The following LARGE1 variants were observed in gnomAD, a reference collection of about 807,000 sequenced individuals.
LARGE1 encodes xylosyl- and glucuronyltransferase LARGE1.
LARGE1 carries 43 observed loss-of-function variants against 87.6 expected under a neutral mutation model. The ratio of observed to expected loss-of-function variants is 0.49; its 90% CI spans 0.38 to 0.63. LARGE1 has a LOEUF of 0.63. LARGE1 is among the 30% of genes least tolerant of loss of function. LARGE1 has a pLI of 0.00. For synonymous variants in LARGE1, 434 were observed against 394.6 expected (o/e 1.10, Z -1.18); for missense variants, 802 against 1,000.2 (o/e 0.80, Z 2.67).
chr22:33,336,921 T>A (rs1308700498), intron 10 of LARGE1, among the ~76,000 whole-genome samples: 1 of 151,398 alleles, frequency 6.6e-6, no homozygotes, highest in African/African-American at 2.4e-5. Context: ...ATTAGCCGGG[T>A]GTGGTGGTGC....
intron 6 of LARGE1, among the ~76,000 whole-genome samples, chr22:33,451,401 T>A (rs921771968): frequency 1.5e-4 from 23 of 151,822 alleles, no homozygotes; most frequent in Admixed American, 1.3e-3. Flanking sequence ...CAGGTGATGC[T>A]TGGTTACATG....
intron 6 of LARGE1, among the ~76,000 whole-genome samples, chr22:33,504,460 A>C (rs933031449): frequency 3.3e-5 from 5 of 152,176 alleles, no homozygotes; most frequent in South Asian, 2.1e-4. Context: ...GGGTTTCACC[A>C]CGTCGGCCAG....
At chr22:33,137,997 G>A in the LARGE1 span, among the ~76,000 whole-genome samples, 1 of 152,308 alleles carries the variant, frequency 6.6e-6, no homozygotes, top group African/African-American at 2.4e-5. Flanking sequence ...TAGTAGAGCT[G>A]TGAGAAGAAG....
chr22:33,154,605 A>G, the LARGE1 span, among the ~76,000 whole-genome samples: 1 of 152,120 alleles, frequency 6.6e-6, no homozygotes. Context: ...TTTCTCTGAG[A>G]TCCATTATCT....
At position 33,377,015 on chromosome 22, in the gene LARGE1, C is replaced by G. The variant is rs148608513; in HGVS notation, c.1131+4904G>C. ...GACCAGAAACCTGGGAGAGGTCCATCCTGGCACTGAGAGACATGAAAACCT... is the reference window on the plus strand; with the variant it reads ...GACCAGAAACCTGGGAGAGGTCCATGCTGGCACTGAGAGACATGAAAACCT... On this transcript the variant is annotated intron_variant, in intron 9 of 14. Coordinates refer to ENST00000397394, the MANE Select transcript of LARGE1 (RefSeq NM_133642.5). 6.3e-3 allele frequency among the ~76,000 whole-genome samples: 956 copies of G among 152,318 alleles called. 7 individuals carry two copies. Among genetic ancestry groups the G allele is most frequent in the Middle Eastern group, 0.017 (5 of 294 alleles).
intron 7 of LARGE1, among the ~76,000 whole-genome samples, chr22:33,403,958 T>C (rs2066009856): frequency 6.6e-6 from 1 of 152,238 alleles, no homozygotes; most frequent in Admixed American, 6.5e-5. Flanking sequence ...ATGATGATAT[T>C]ATGTTTTTCC....
At chr22:33,824,767 TA>T (rs1305879393) in intron 1 of LARGE1, among the ~76,000 whole-genome samples, 1 of 152,190 alleles carries the variant, frequency 6.6e-6, no homozygotes, top group Non-Finnish European at 1.5e-5. Flanking sequence ...CATAGGACTA[TA>T]ATGAAAATGA....
intron 9 of LARGE1, among the ~76,000 whole-genome samples, chr22:33,339,065 C>T (rs8135160): frequency 0.13 from 19,838 of 151,294 alleles, 2,690 homozygotes; most frequent in African/African-American, 0.35. Context: ...AGAGAATCAC[C>T]TGAACCCAGG....
At chr22:33,351,188 G>A (rs1409608152) in intron 9 of LARGE1, among the ~76,000 whole-genome samples, 1 of 152,230 alleles carries the variant, frequency 6.6e-6, no homozygotes, top group Non-Finnish European at 1.5e-5. Flanking sequence ...ATTAATATCT[G>A]TTGAATGACT....
At chr22:33,921,192 G>A (rs921407964), upstream of LARGE1, among the ~76,000 whole-genome samples, 3 of 152,088 alleles carry the variant, frequency 2.0e-5, no homozygotes, top group East Asian at 3.9e-4. This position sits in a 1 kb window ranked among gnomAD's most constrained non-coding sequence, Gnocchi z 4.1. Flanking sequence ...TCCGCCCCCC[G>A]GCGAGACTCC....
intron 6 of LARGE1, among the ~76,000 whole-genome samples, chr22:33,559,451 G>A (rs933357782): frequency 1.3e-5 from 2 of 152,162 alleles, no homozygotes; most frequent in Non-Finnish European, 2.9e-5. Context: ...CAAAGTGCTG[G>A]GATTACAAAC....
intron 6 of LARGE1, among the ~76,000 whole-genome samples, chr22:33,533,057 T>C (rs374475543): frequency 2.0e-5 from 3 of 152,250 alleles, no homozygotes; most frequent in East Asian, 1.9e-4. Context: ...ATCAAGTATA[T>C]GCATGTCTAC....
At chr22:33,438,696 A>G (rs1473780006) in intron 6 of LARGE1, among the ~76,000 whole-genome samples, 1 of 152,210 alleles carries the variant, frequency 6.6e-6, no homozygotes, top group African/African-American at 2.4e-5. Flanking sequence ...TGCATCTGGC[A>G]TGAAAAGGCT....
At chr22:33,470,046 C>T (rs991303720) in intron 6 of LARGE1, among the ~76,000 whole-genome samples, 15 of 151,410 alleles carry the variant, frequency 9.9e-5, no homozygotes, top group South Asian at 2.1e-4. Context: ...CCTGCCACCA[C>T]GCCCGGCTAA....
At chr22:33,329,480 G>A (rs1013150517) in intron 10 of LARGE1, among the ~76,000 whole-genome samples, 1 of 151,982 alleles carries the variant, frequency 6.6e-6, no homozygotes, top group African/African-American at 2.4e-5. Flanking sequence ...AAGGAACAAG[G>A]AGGCGAGCCC....
intron 2 of LARGE1, among the ~76,000 whole-genome samples, chr22:33,695,557 C>T (rs240078): frequency 0.013 from 1,986 of 152,260 alleles, 41 homozygotes; most frequent in African/African-American, 0.045. Context: ...CTGTGATGTA[C>T]CAAGACCCTC....
chr22:33,086,080 C>T, the LARGE1 span, among the ~76,000 whole-genome samples: 1 of 152,100 alleles, frequency 6.6e-6, no homozygotes, highest in Non-Finnish European at 1.5e-5. Context: ...AGGCCTTTCA[C>T]AGAATATGCT....
At chr22:33,671,307 T>A (rs1248170280) in intron 2 of LARGE1, among the ~76,000 whole-genome samples, 1 of 152,232 alleles carries the variant, frequency 6.6e-6, no homozygotes, top group East Asian at 1.9e-4. Flanking sequence ...CACTGCTGAG[T>A]CCATACTGAG....
At chr22:33,222,528 C>G (rs890645380) in intron 11 of LARGE1, among the ~76,000 whole-genome samples, 1 of 152,198 alleles carries the variant, frequency 6.6e-6, no homozygotes, top group African/African-American at 2.4e-5. Context: ...CTCGAGATGA[C>G]ATTATCCTCG....
Sources: gnomAD v4.1 joint callset for allele counts (sites outside exome capture counted in the v4.1 genomes callset) on GRCh38, gnomAD v4.1.1 for gene constraint, Gnocchi (gnomAD v3.1) non-coding constraint, MANE v1.5 for transcripts, NCBI Gene and HGNC (gene_info 2026-07-23, HGNC 2026-07-21) for gene names.